The following TMPRSS11A variants were observed in gnomAD, a reference collection of about 807,000 sequenced individuals.
TMPRSS11A encodes the protein transmembrane protease serine 11A.
A neutral mutation model predicts 58.9 loss-of-function variants in TMPRSS11A; 53 were observed. The observed-to-expected ratio is 0.90, with a 90% CI of 0.72 to 1.13. TMPRSS11A has a LOEUF of 1.13. Among genes scored for constraint, TMPRSS11A ranks in the 50% most tolerant of loss-of-function variants. TMPRSS11A has a pLI of 0.00. For missense variants in TMPRSS11A, 493 were observed against 499.3 expected, an observed-to-expected ratio of 0.99 and a Z score of 0.12; for synonymous variants, 167 against 169.8, an observed-to-expected ratio of 0.98 and a Z score of 0.13.
intron 1 of TMPRSS11A, among the ~76,000 whole-genome samples, chr4:67,960,189 A>T (rs1212481448): frequency 6.6e-6 from 1 of 152,222 alleles, no homozygotes; most frequent in African/African-American, 2.4e-5. Context: ...GAGGGCATAG[A>T]TGGAAAATCT....
chr4:67,928,367 T>C (rs1720528087), intron 5 of TMPRSS11A, among the ~76,000 whole-genome samples: 2 of 152,182 alleles, frequency 1.3e-5, no homozygotes, highest in Admixed American at 1.3e-4. Flanking sequence ...TCAAATCAGG[T>C]TCTCCATTAG....
At chr4:67,935,535 A>G (rs1720731261) in intron 3 of TMPRSS11A, among the ~76,000 whole-genome samples, 5 of 152,070 alleles carry the variant, frequency 3.3e-5, no homozygotes, top group Admixed American at 2.6e-4. Context: ...CAATATATTC[A>G]CTATATATTT....
intron 3 of TMPRSS11A, among the ~76,000 whole-genome samples, chr4:67,937,983 A>G (rs1720793344): frequency 6.6e-6 from 1 of 152,136 alleles, no homozygotes; most frequent in South Asian, 2.1e-4. Flanking sequence ...AAGTCTCCAA[A>G]CTGCTTTCCA....
chr4:67,934,502 A>G (rs1295923009), intron 3 of TMPRSS11A, among the ~76,000 whole-genome samples: 1 of 152,162 alleles, frequency 6.6e-6, no homozygotes, highest in African/African-American at 2.4e-5. Flanking sequence ...ATTGTTATCT[A>G]TACAACCTAA....
At chr4:67,936,817 G>T (rs905196724) in intron 3 of TMPRSS11A, among the ~76,000 whole-genome samples, 1 of 152,110 alleles carries the variant, frequency 6.6e-6, no homozygotes. Context: ...TGCAATTAAG[G>T]ATTTTAAAGA....
chr4:67,950,341 A>C (rs998994904), intron 1 of TMPRSS11A, among the ~76,000 whole-genome samples: 2 of 152,198 alleles, frequency 1.3e-5, no homozygotes, highest in African/African-American at 2.4e-5. Flanking sequence ...GCCATCCATT[A>C]CTTGCCACTT....
At chr4:67,928,929 C>G (rs1215000596) in intron 5 of TMPRSS11A, among the ~76,000 whole-genome samples, 1 of 152,172 alleles carries the variant, frequency 6.6e-6, no homozygotes, top group African/African-American at 2.4e-5. Flanking sequence ...AGATGCTGTG[C>G]AAACAGCTTA....
chr4:67,934,910 A>AT (rs1489790468), intron 3 of TMPRSS11A, among the ~76,000 whole-genome samples: 1 of 152,138 alleles, frequency 6.6e-6, no homozygotes, highest in Non-Finnish European at 1.5e-5. Flanking sequence ...TCAGATAGAT[A>AT]TGTCACTGCA....
intron 1 of TMPRSS11A, among the ~76,000 whole-genome samples, chr4:67,961,804 C>T (rs199783676): frequency 4.9e-4 from 75 of 152,166 alleles, no homozygotes; most frequent in African/African-American, 7.2e-4. Context: ...TGAGCCACCA[C>T]GCCCAGCCTG....
chr4:67,941,427 T>C (rs983600847), intron 3 of TMPRSS11A, among the ~76,000 whole-genome samples: 2 of 152,146 alleles, frequency 1.3e-5, no homozygotes, highest in African/African-American at 2.4e-5. Context: ...GGAACCCTTG[T>C]TTGGTTTTGA....
chr4:67,937,913 G>A (rs945017324), intron 3 of TMPRSS11A, among the ~76,000 whole-genome samples: 2 of 152,074 alleles, frequency 1.3e-5, no homozygotes, highest in Non-Finnish European at 1.5e-5. Context: ...ACTCCTTTGG[G>A]TATACACCCA....
intron 3 of TMPRSS11A, among the ~76,000 whole-genome samples, chr4:67,933,252 A>G (rs1720672718): frequency 1.3e-5 from 2 of 152,098 alleles, no homozygotes; most frequent in South Asian, 4.1e-4. Context: ...TCTAATGACA[A>G]TTCTGCGAAG....
intron 1 of TMPRSS11A, among the ~76,000 whole-genome samples, chr4:67,961,465 TCCTTTCCTTTTCTTTTC>T (rs1431800198): frequency 2.0e-5 from 3 of 149,278 alleles, no homozygotes; most frequent in East Asian, 3.9e-4. Context: ...TTCTTTTCTT[TCCTTTCCTTTTCTTTTC>T]CTTTTTTTTT....
intron 3 of TMPRSS11A, 99 bp from the exon 4 acceptor site, chr4:67,932,159 GAACT>G (rs1344061695): frequency 1.8e-5 from 11 of 612,038 alleles, no homozygotes; most frequent in Middle Eastern, 6.3e-4. Flanking sequence ...TTTTTTCACA[GAACT>G]AACATCATTA....
intron 1 of TMPRSS11A, among the ~76,000 whole-genome samples, chr4:67,961,490 T>C (rs4364312): frequency 0.59 from 704 of 1,184 alleles, 335 homozygotes; most frequent in Middle Eastern, 1. Context: ...TTCCTTTTTT[T>C]TTTTTTTTTT....
intron 1 of TMPRSS11A, among the ~76,000 whole-genome samples, chr4:67,960,150 G>A (rs1721390045): frequency 6.6e-6 from 1 of 152,162 alleles, no homozygotes; most frequent in Non-Finnish European, 1.5e-5. Context: ...AATGGACACT[G>A]CAGACTACTA....
intron 1 of TMPRSS11A, among the ~76,000 whole-genome samples, chr4:67,953,922 G>T (rs913206586): frequency 7.9e-5 from 12 of 152,256 alleles, no homozygotes; most frequent in African/African-American, 2.6e-4. Context: ...AAGAAACAAA[G>T]AAAACATTTT....
At chr4:67,918,898 A>T in intron 8 of TMPRSS11A, 75 bp downstream of exon 8, 1 of 1,529,286 alleles carries the variant, frequency 6.5e-7, no homozygotes, top group Non-Finnish European at 9.0e-7. Context: ...GGCTGTCAGG[A>T]TAATATTGAT....
intron 3 of TMPRSS11A, among the ~76,000 whole-genome samples, chr4:67,932,667 A>G (rs1720658900): frequency 6.6e-6 from 1 of 152,156 alleles, no homozygotes; most frequent in Non-Finnish European, 1.5e-5. Flanking sequence ...CCATCCTGGC[A>G]TTACAGGTCT....
Sources: allele counts gnomAD v4.1 joint callset (sites outside exome capture counted in the v4.1 genomes callset), GRCh38; gene constraint gnomAD v4.1.1; transcripts MANE v1.5; gene names NCBI Gene and HGNC (gene_info 2026-07-23, HGNC 2026-07-21).